TMEM94: variants seen among roughly 807,000 people sequenced by gnomAD.
TMEM94 encodes transmembrane protein 94.
A neutral mutation model predicts 158.6 loss-of-function variants in TMEM94; 81 were observed. The ratio of observed to expected loss-of-function variants is 0.51; its 90% CI spans 0.43 to 0.61. The LOEUF (loss-of-function observed/expected upper bound fraction) is 0.61. Among genes scored for constraint, TMEM94 ranks in the 20% least tolerant of loss-of-function variants. The pLI, the probability that TMEM94 is intolerant of heterozygous loss-of-function variation, is 0.00. For synonymous variants in TMEM94, 751 were observed against 730.7 expected (o/e 1.03, Z -0.45); for missense variants, 1,435 against 1,762.0 (o/e 0.81, Z 3.32).
At chr17:75,460,688 T>G (rs1314402685) in intron 1 of TMEM94, among the ~76,000 whole-genome samples, 1 of 152,014 alleles carries the variant, frequency 6.6e-6, no homozygotes, top group Non-Finnish European at 1.5e-5. Flanking sequence ...AATTTTTGTA[T>G]TTTTTACAGA....
intron 2 of TMEM94, chr17:75,476,453 C>G: frequency 2.7e-5 from 36 of 1,334,714 alleles, no homozygotes; most frequent in Non-Finnish European, 3.3e-5. Context: ...AGGGCTGCTG[C>G]CTCCTCCTCC....
At chr17:75,478,365 A>G (rs1174863332) in intron 2 of TMEM94, among the ~76,000 whole-genome samples, 2 of 151,398 alleles carry the variant, frequency 1.3e-5, no homozygotes, top group Non-Finnish European at 2.9e-5. Context: ...AAAGAAAAGA[A>G]AAAGAAAAAA....
intron 1 of TMEM94, among the ~76,000 whole-genome samples, chr17:75,471,224 G>GT (rs2050488949): frequency 1.4e-5 from 2 of 140,262 alleles, no homozygotes; most frequent in Non-Finnish European, 3.0e-5. Context: ...GGGCAACAGA[G>GT]TGAGAATCCG....
chr17:75,476,139 T>C (rs1291740531), intron 2 of TMEM94, among the ~76,000 whole-genome samples: 3 of 152,160 alleles, frequency 2.0e-5, no homozygotes, highest in African/African-American at 7.2e-5. Context: ...GCTCACCCAG[T>C]GACTTGGGGA....
Position 75,471,875 on chromosome 17 carries a change from C to A in TMEM94, c.-31C>A, listed in dbSNP as rs769909597. 1 of 1,613,682 alleles carries A rather than the reference C, an allele frequency of 6.2e-7. No homozygotes were observed. The highest frequency in any genetic ancestry group is 8.5e-7 in the Non-Finnish European group (1 of 1,179,714). ...CCTTCCTTTCAGGGGTGACCACATT[C>A]ATCTGGGCATGCCTGCAGTACTCTT... On this transcript the variant is annotated 5_prime_UTR_variant, in exon 2 of 32. Coordinates refer to ENST00000314256, the MANE Select transcript of TMEM94 (RefSeq NM_014738.6).
In TMEM94 at chr17:75,487,014, C is replaced by A. The variant is rs2051683093; in HGVS notation, c.409+588C>A. ...ATGTGGTGCTGTGGGAGAAGCAGCA[C>A]CCACTCATGAGACCTTTCTCCAACA... On this transcript the variant is annotated intron_variant, in intron 5 of 31. Transcript: ENST00000314256. The surrounding 1 kb of genome is among the most constrained non-coding windows in gnomAD (Gnocchi z 4.6). Among the ~76,000 whole-genome samples the A allele has an allele frequency of 6.6e-6, 1 of 152,116 alleles. No individual in the cohort carries two copies. Among genetic ancestry groups the A allele is most frequent in the Non-Finnish European group, 1.5e-5 (1 of 68,002 alleles).
chr17:75,471,740 T>C (rs1271861276), intron 1 of TMEM94, 60 bp from the exon 2 acceptor site: 2 of 629,572 alleles, frequency 3.2e-6, no homozygotes, highest in Non-Finnish European at 2.8e-6. Context: ...GATGCTGTTG[T>C]GTTTCACAGT....
chr17:75,478,469 G>A (rs911419880), intron 2 of TMEM94, among the ~76,000 whole-genome samples: 2 of 152,074 alleles, frequency 1.3e-5, no homozygotes, highest in Admixed American at 6.5e-5. Context: ...CAGGTGTGTC[G>A]GCTCTCGAAG....
At chr17:75,486,078 C>T in intron 4 of TMEM94, 80 bp downstream of exon 4, 1 of 1,493,234 alleles carries the variant, frequency 6.7e-7, no homozygotes, top group Non-Finnish European at 8.9e-7. Context: ...GACCAGGGCT[C>T]TTGGGGGCTG....
At chr17:75,475,984 C>T (rs2050673358) in intron 2 of TMEM94, among the ~76,000 whole-genome samples, 2 of 152,216 alleles carry the variant, frequency 1.3e-5, no homozygotes, top group South Asian at 2.1e-4. Context: ...CCATCCCGTC[C>T]CCCTCCACAC....
rs1366922459 is a variant in TMEM94, at chr17:75,456,689, G to A, written c.-169G>A. ...CTGCGGCCCCCGGAGGAGGGGACGTGAAGTGAGGAGGGGGTTGGGAGGGGA... is the reference window on the plus strand; with the variant it reads ...CTGCGGCCCCCGGAGGAGGGGACGTAAAGTGAGGAGGGGGTTGGGAGGGGA... On this transcript the variant is annotated 5_prime_UTR_variant, in exon 1 of 32. Transcript: ENST00000314256. 1 of 152,330 alleles carries A rather than the reference G, an allele frequency of 6.6e-6. No homozygotes were observed. The highest frequency in any genetic ancestry group is 2.4e-5 in the African/African-American group (1 of 41,474). The allele number at this position is 152,330 out of a possible 1,614,324, so 9.4% of individuals were successfully genotyped here.
At position 75,494,891 on chromosome 17, in the gene TMEM94, C is replaced by T. The variant is rs1472739834; in HGVS notation, c.2590-5C>T. 4 of 1,613,622 alleles carry T rather than the reference C, an allele frequency of 2.5e-6. No individual in the cohort carries two copies. In the Admixed American group the frequency reaches 5.0e-5, roughly 20 times the overall value. ...CGTATGTTCATGGCCGTCTGCCTTT[C>T]ACAGGTGTTTGCAGAAAAAATGGGC... is the stretch of plus-strand genomic sequence containing the variant. On this transcript the variant is annotated splice_polypyrimidine_tract_variant and splice_region_variant and intron_variant, in intron 19 of 31. Transcript: ENST00000314256.
intron 26 of TMEM94, 67 bp downstream of exon 26, chr17:75,497,265 G>T: frequency 7.5e-7 from 1 of 1,330,282 alleles, no homozygotes; most frequent in Admixed American, 1.7e-5. Context: ...TCACTGTGCA[G>T]CCCCAGGAGC....
Position 75,488,764 on chromosome 17 carries a change from C to CG in TMEM94, c.619dup (p.Glu207GlyfsTer41). Reference sequence around the variant, plus strand: ...CTCCCACTTGCTGCCGGCAGGATGACGAGCACATCGTCCTGGAGCCGGGAG... The same window carrying CG: ...CTCCCACTTGCTGCCGGCAGGATGACGGAGCACATCGTCCTGGAGCCGGGAG... On this transcript the variant is annotated frameshift_variant, in exon 7 of 32. Transcript: ENST00000314256. LOFTEE classifies it high-confidence loss of function. 1 of 1,613,796 alleles carries CG rather than the reference C, an allele frequency of 6.2e-7. No individual in the cohort carries two copies. The highest frequency in any genetic ancestry group is 8.5e-7 in the Non-Finnish European group (1 of 1,179,898).
rs753764149 is a variant in TMEM94 at position 75,488,796 on chromosome 17, T to TC, written c.657dup (p.Phe220LeufsTer28). 4.3e-6 allele frequency: 7 copies of TC among 1,612,880 alleles called. No individual in the cohort carries two copies. In the African/African-American group the frequency reaches 6.7e-5, roughly 15 times the overall value. On this transcript the variant is annotated frameshift_variant, in exon 7 of 32. Transcript: ENST00000314256. LOFTEE classifies it high-confidence loss of function. ...ATCGTCCTGGAGCCGGGAGACCTCT[T>TC]CCCCCCCTTCTCCCCTCCACCCTCA...
At position 75,488,923 on chromosome 17, in the gene TMEM94, C is replaced by T. The variant is rs1343180661; in HGVS notation, c.764+13C>T. ...TTGACAACATCAGGTAGGGGTGCTG[C>T]CCCGCCTCCTCCTGTCCCTGGTGTC... On this transcript the variant is annotated intron_variant, in intron 7 of 31. Coordinates refer to ENST00000314256, the MANE Select transcript of TMEM94 (RefSeq NM_014738.6). The T allele has an allele frequency of 2.6e-6, 4 of 1,547,784 alleles. No homozygotes were observed. The highest frequency in any genetic ancestry group is 1.9e-5 in the Admixed American group (1 of 51,620).
intron 1 of TMEM94, chr17:75,457,744 T>G (rs1374985074): frequency 6.6e-6 from 1 of 152,218 alleles, no homozygotes; most frequent in East Asian, 1.9e-4. Context: ...GTTTTAACAT[T>G]TTCATTTTGC....
chr17:75,465,002 TTTG>T (rs949961245), intron 1 of TMEM94, among the ~76,000 whole-genome samples: 4 of 151,736 alleles, frequency 2.6e-5, no homozygotes, highest in African/African-American at 7.3e-5. Context: ...CCCGGCTCTT[TTTG>T]TTGTTGTTGT....
Position 75,496,007 on chromosome 17 carries a change from G to T in TMEM94, c.2986G>T (p.Val996Leu). ...AAAGATCATGCAAGAGTACGGGGAG[G>T]TGACCTGCTGCCTGGGCAGCTCTGC... ...MIKIMQEYGE[V>L]TCCLGSSANL... Residue 996 changes from valine (V) to leucine (L), a missense_variant, in exon 23 of 32, where the codon GTG becomes TTG. By Grantham distance (32) the Val-to-Leu change is conservative. Transcript: ENST00000314256. The T allele has an allele frequency of 2.5e-6, 4 of 1,613,584 alleles. No individual in the cohort carries two copies. Among genetic ancestry groups the T allele is most frequent in the Non-Finnish European group, 3.4e-6 (4 of 1,179,988 alleles).
Sources: gnomAD v4.1 joint callset for allele counts (sites outside exome capture counted in the v4.1 genomes callset) on GRCh38, gnomAD v4.1.1 for gene constraint, Gnocchi (gnomAD v3.1) non-coding constraint, MANE v1.5 for transcripts, NCBI Gene and HGNC (gene_info 2026-07-23, HGNC 2026-07-21) for gene names.